The following FRMPD4 variants were observed in gnomAD, a reference collection of about 807,000 sequenced individuals.
The protein encoded by FRMPD4 is FERM and PDZ domain containing 4.
A neutral mutation model predicts 94.1 loss-of-function variants in FRMPD4; 22 were observed. The observed-to-expected ratio is 0.23, with a 90% CI of 0.17 to 0.33. The LOEUF (loss-of-function observed/expected upper bound fraction) is 0.33. Ranked by LOEUF, FRMPD4 falls within the 10% of genes least tolerant of loss-of-function variation. The pLI, the probability that FRMPD4 is intolerant of heterozygous loss-of-function variation, is 1.00. For missense variants in FRMPD4, 1,111 were observed against 1,339.9 expected (o/e 0.83, Z 2.67); for synonymous variants, 631 against 548.6 (o/e 1.15, Z -2.10).
intron 1 of FRMPD4, among the ~76,000 whole-genome samples, chrX:11,847,975 A>G (rs986228597): frequency 9.4e-6 from 1 of 106,108 alleles, no homozygotes; most frequent in South Asian, 4.4e-4. Flanking sequence ...TGGCACATGT[A>G]GACATATGTA....
At chrX:12,578,179 T>C (rs957033986) in intron 2 of FRMPD4, among the ~76,000 whole-genome samples, 3 of 112,454 alleles carry the variant, frequency 2.7e-5, no homozygotes, top group Non-Finnish European at 3.8e-5. Flanking sequence ...TATTTGGGGT[T>C]AGGGCTTCAA....
At chrX:11,844,276 T>G (rs2053560629) in intron 1 of FRMPD4, among the ~76,000 whole-genome samples, 1 of 110,342 alleles carries the variant, frequency 9.1e-6, no homozygotes, top group Admixed American at 9.6e-5. Context: ...GGATGACAGG[T>G]GTGAGCCATT....
At chrX:12,368,651 G>T (rs954015953) in intron 1 of FRMPD4, among the ~76,000 whole-genome samples, 3 of 111,237 alleles carry the variant, frequency 2.7e-5, no homozygotes, top group African/African-American at 9.8e-5. Context: ...GGCTGAGGTG[G>T]GCAGATCACT....
At chrX:12,505,976 C>G (rs1278765480) in intron 2 of FRMPD4, among the ~76,000 whole-genome samples, 1 of 112,119 alleles carries the variant, frequency 8.9e-6, no homozygotes, top group African/African-American at 3.2e-5. Flanking sequence ...TCGGATCAAT[C>G]TGAGTCACGA....
intron 1 of FRMPD4, among the ~76,000 whole-genome samples, chrX:12,464,673 G>A (rs1236597944): frequency 9.0e-6 from 1 of 111,626 alleles, no homozygotes; most frequent in Non-Finnish European, 1.9e-5. Context: ...TGACGGCAAG[G>A]GCAAGTTATA....
chrX:12,012,800 A>G, intron 3 of FRMPD4, among the ~76,000 whole-genome samples: 1 of 112,367 alleles, frequency 8.9e-6, no homozygotes, highest in Non-Finnish European at 1.9e-5. Context: ...ATTGATTTAT[A>G]TAGTAGCCTT....
At chrX:11,952,764 T>A (rs2054231800) in intron 3 of FRMPD4, among the ~76,000 whole-genome samples, 1 of 111,886 alleles carries the variant, frequency 8.9e-6, no homozygotes, top group Non-Finnish European at 1.9e-5. Flanking sequence ...CCTTGGGCAG[T>A]GTGGTTTGGG....
intron 3 of FRMPD4, among the ~76,000 whole-genome samples, chrX:11,952,237 G>T (rs1484318940): frequency 8.9e-6 from 1 of 111,777 alleles, no homozygotes; most frequent in African/African-American, 3.2e-5. Context: ...TTAGGGCCCT[G>T]GGAGCTTTAT....
intron 2 of FRMPD4, among the ~76,000 whole-genome samples, chrX:11,875,200 TA>T (rs754939534): frequency 8.9e-6 from 1 of 112,675 alleles, no homozygotes; most frequent in Non-Finnish European, 1.9e-5. Flanking sequence ...TAATTTTATG[TA>T]AAAAGCATGA....
At chrX:12,245,862 A>G (rs755512213) in intron 1 of FRMPD4, among the ~76,000 whole-genome samples, 1 of 111,032 alleles carries the variant, frequency 9.0e-6, no homozygotes, top group Non-Finnish European at 1.9e-5. Flanking sequence ...CCATTGCCAG[A>G]TATGGGCCCC....
intron 3 of FRMPD4, among the ~76,000 whole-genome samples, chrX:11,954,384 T>C (rs1182600747): frequency 8.9e-6 from 1 of 112,323 alleles, no homozygotes; most frequent in Non-Finnish European, 1.9e-5. Flanking sequence ...ACGTACAATA[T>C]GTCATGCTGG....
At chrX:12,664,291 A>G (rs1433267645) in intron 4 of FRMPD4, among the ~76,000 whole-genome samples, 1 of 112,225 alleles carries the variant, frequency 8.9e-6, no homozygotes, top group Non-Finnish European at 1.9e-5. Context: ...CGGTTTTTAA[A>G]GGGAATGCTT....
intron 1 of FRMPD4, among the ~76,000 whole-genome samples, chrX:12,386,919 T>C (rs1430742384): frequency 8.9e-6 from 1 of 111,978 alleles, no homozygotes; most frequent in Non-Finnish European, 1.9e-5. Flanking sequence ...TGTTTTTTGT[T>C]CTCATCCATA....
At chrX:12,704,823 C>T (rs948293380) in intron 11 of FRMPD4, among the ~76,000 whole-genome samples, 11 of 112,256 alleles carry the variant, frequency 9.8e-5, no homozygotes, top group African/African-American at 3.6e-4. Context: ...CATGCAATTG[C>T]TTACTGCTCA....
intron 2 of FRMPD4, among the ~76,000 whole-genome samples, chrX:12,552,289 T>A (rs768115816): frequency 9.0e-6 from 1 of 111,595 alleles, no homozygotes; most frequent in Non-Finnish European, 1.9e-5. Flanking sequence ...AAATATATAC[T>A]TTTTACAATA....
At chrX:12,351,790 GTGTT>G (rs758387416) in intron 1 of FRMPD4, among the ~76,000 whole-genome samples, 1 of 112,728 alleles carries the variant, frequency 8.9e-6, no homozygotes, top group Non-Finnish European at 1.9e-5. Context: ...ACGCAACACT[GTGTT>G]TGTGAGTTTC....
chrX:12,068,378 G>GTT (rs58093008), intron 3 of FRMPD4, among the ~76,000 whole-genome samples: 8,541 of 110,347 alleles, frequency 0.077, 310 homozygotes, highest in East Asian at 0.23. Context: ...TAAAAATTTT[G>GTT]TTTTTTTTCA....
chrX:12,412,743 T>C (rs2056750200), intron 1 of FRMPD4, among the ~76,000 whole-genome samples: 2 of 111,953 alleles, frequency 1.8e-5, no homozygotes, highest in Admixed American at 1.9e-4. Context: ...GGTGGTGGTT[T>C]GCACTTCATC....
chrX:12,045,998 A>G (rs377354993), intron 3 of FRMPD4, among the ~76,000 whole-genome samples: 1 of 111,550 alleles, frequency 9.0e-6, no homozygotes, highest in African/African-American at 3.3e-5. Context: ...AATTATTATT[A>G]GGGATAAAGT....
Sources: gnomAD v4.1 joint callset for allele counts (sites outside exome capture counted in the v4.1 genomes callset) on GRCh38, gnomAD v4.1.1 for gene constraint, MANE v1.5 for transcripts, NCBI Gene and HGNC (gene_info 2026-07-23, HGNC 2026-07-21) for gene names.